The following BTBD9 variants were observed in gnomAD, a reference collection of about 807,000 sequenced individuals.
The protein encoded by BTBD9 is BTB/POZ domain-containing protein 9.
BTBD9 carries 49 observed loss-of-function variants against 64.3 expected under a neutral mutation model. That is an observed-to-expected ratio of 0.76 (90% CI 0.61 to 0.97). BTBD9 has a LOEUF of 0.97. Ranked by LOEUF, BTBD9 falls within the 50% of genes least tolerant of loss-of-function variation. The pLI, the probability that BTBD9 is intolerant of heterozygous loss-of-function variation, is 0.00. For synonymous variants in BTBD9, 260 were observed against 274.7 expected (o/e 0.95, Z 0.53); for missense variants, 598 against 762.1 (o/e 0.78, Z 2.53).
chr6:38,230,117 C>T (rs1034546295), intron 9 of BTBD9, among the ~76,000 whole-genome samples: 3 of 152,242 alleles, frequency 2.0e-5, no homozygotes, highest in Non-Finnish European at 2.9e-5. Flanking sequence ...GTTAGAGCAA[C>T]AGCTTCCTTA....
rs760001658 is a variant in BTBD9, at chr6:38,577,676, A to T, written c.1078T>A (p.Trp360Arg). 47 of 1,610,318 alleles carry T rather than the reference A, an allele frequency of 2.9e-5. No individual in the cohort carries two copies. The highest frequency in any genetic ancestry group is 2.6e-5 in the Non-Finnish European group (31 of 1,179,508). ...TGTGAATGATCTATCACTCTGACCCAATCAAGTTCATCCATTGACACTTCA... is the reference window on the plus strand; with the variant it reads ...TGTGAATGATCTATCACTCTGACCCTATCAAGTTCATCCATTGACACTTCA... Reference protein sequence around the residue: ...FIEVSMDELDWVRVIDHSQYL... With the variant: ...FIEVSMDELDRVRVIDHSQYL... The change falls in exon 6 of 11, where the codon TGG (tryptophan) becomes AGG (arginine). Residue 360 changes from tryptophan to arginine, a missense_variant. Coordinates refer to ENST00000481247, the MANE Select transcript of BTBD9 (RefSeq NM_001099272.2).
chr6:38,391,875 G>A (rs913203459), intron 6 of BTBD9, among the ~76,000 whole-genome samples: 3 of 152,016 alleles, frequency 2.0e-5, no homozygotes. Flanking sequence ...CTGATCGATC[G>A]GCAACTTGCT....
chr6:38,318,807 A>G (rs1451279312), intron 7 of BTBD9, among the ~76,000 whole-genome samples: 1 of 152,146 alleles, frequency 6.6e-6, no homozygotes, highest in African/African-American at 2.4e-5. Flanking sequence ...AGGGCTCTAC[A>G]ATCAGCAGGT....
At chr6:38,326,076 C>T (rs761596465) in intron 7 of BTBD9, among the ~76,000 whole-genome samples, 26 of 152,012 alleles carry the variant, frequency 1.7e-4, no homozygotes, top group Non-Finnish European at 2.8e-4. Flanking sequence ...TAGGGGGGGT[C>T]AGGGAAGCCT....
intron 1 of BTBD9, chr6:38,613,147 A>G (rs1777667623): frequency 6.6e-6 from 1 of 152,252 alleles, no homozygotes. Context: ...TCTTCATAAA[A>G]TATATTAAAA....
At chr6:38,290,187 G>A (rs1761905570) in intron 7 of BTBD9, among the ~76,000 whole-genome samples, 1 of 149,032 alleles carries the variant, frequency 6.7e-6, no homozygotes, top group African/African-American at 2.5e-5. Flanking sequence ...AGAGAGAGAG[G>A]ATGAATTTTT....
intron 8 of BTBD9, among the ~76,000 whole-genome samples, chr6:38,257,215 T>A (rs1764623141): frequency 6.6e-6 from 1 of 151,738 alleles, no homozygotes; most frequent in South Asian, 2.1e-4. Flanking sequence ...ATTGATTTTT[T>A]ATTTTTAGAG....
intron 6 of BTBD9, among the ~76,000 whole-genome samples, chr6:38,442,854 A>G (rs967432924): frequency 2.0e-5 from 3 of 151,658 alleles, no homozygotes; most frequent in Non-Finnish European, 4.4e-5. Flanking sequence ...TTTTTAGTAG[A>G]TAGGGGTTTT....
At position 38,594,504 on chromosome 6, in the gene BTBD9, G is replaced by T. The variant is rs1223496632; in HGVS notation, c.186-177C>A. 7.9e-5 allele frequency: 56 copies of T among 708,644 alleles called. No individual in the cohort carries two copies. In the East Asian group the frequency reaches 1.5e-3, roughly 19 times the overall value. 43.9% of individuals were successfully genotyped at this position (708,644 alleles called of 1,614,324 possible). On this transcript the variant is annotated intron_variant, in intron 2 of 10. Transcript: ENST00000481247. The stretch of plus-strand genomic sequence containing the variant: ...GTTCTTTACAGGACACAAGAGGAAT[G>T]ATTTTAAAACTATTTGAATTAATTC...
In BTBD9 at chr6:38,174,860, C is replaced by G; in HGVS notation, c.*125G>C. On this transcript the variant is annotated 3_prime_UTR_variant, in exon 11 of 11. Coordinates refer to ENST00000481247, the MANE Select transcript of BTBD9 (RefSeq NM_001099272.2). ...ACCTGTTCGGTGTCTGCTTTTGCAG[C>G]TAGGTCGGCTCCTCCCTGGAAAGGG... 4 of 1,120,526 alleles carry G rather than the reference C, an allele frequency of 3.6e-6. No individual in the cohort carries two copies. Among genetic ancestry groups the G allele is most frequent in the Admixed American group, 2.3e-5 (1 of 44,014 alleles). 69.4% of individuals were successfully genotyped at this position (1,120,526 alleles called of 1,614,324 possible). A position where few individuals can be genotyped will look rare whatever the true frequency, so the allele number is the denominator to read the frequency against.
intron 6 of BTBD9, among the ~76,000 whole-genome samples, 187 bp downstream of exon 6, chr6:38,577,413 C>T (rs756983156): frequency 2.1e-4 from 32 of 152,122 alleles, no homozygotes; most frequent in South Asian, 8.3e-4. Flanking sequence ...TAAATAGTTC[C>T]ACAACACACT....
In BTBD9 at chr6:38,326,521, C is replaced by T. The variant is rs970241155; in HGVS notation, c.1264+18463G>A. Among the ~76,000 whole-genome samples, 41 of 152,118 alleles carry T rather than the reference C, an allele frequency of 2.7e-4. 1 individual carries two copies. Among genetic ancestry groups the T allele is most frequent in the Non-Finnish European group, 1.0e-4 (7 of 68,004 alleles). ...ACCAGTAAGTAGACAGAAATGACAA[C>T]GGTGAGGAGAGGTGGTGGTGGCTTG... On this transcript the variant is annotated intron_variant, in intron 7 of 10. Transcript: ENST00000481247.
chr6:38,449,416 A>C (rs1251796371), intron 6 of BTBD9, among the ~76,000 whole-genome samples: 1 of 152,216 alleles, frequency 6.6e-6, no homozygotes, highest in Non-Finnish European at 1.5e-5. Flanking sequence ...TGGCATAAAA[A>C]TAGACACATA....
intron 8 of BTBD9, among the ~76,000 whole-genome samples, chr6:38,259,418 G>T (rs574099395): frequency 1.3e-5 from 2 of 152,164 alleles, no homozygotes; most frequent in African/African-American, 4.8e-5. Flanking sequence ...GGGGAAGGTT[G>T]GGAGGACAGC....
At chr6:38,531,886 G>A (rs186730648) in intron 6 of BTBD9, among the ~76,000 whole-genome samples, 55 of 152,274 alleles carry the variant, frequency 3.6e-4, no homozygotes, top group African/African-American at 1.3e-3. Flanking sequence ...CAAGATGGCT[G>A]AATAAAAGGC....
At chr6:38,505,714 C>T (rs1772453504) in intron 6 of BTBD9, among the ~76,000 whole-genome samples, 1 of 151,722 alleles carries the variant, frequency 6.6e-6, no homozygotes, top group African/African-American at 2.4e-5. Flanking sequence ...CGCCTGTAAT[C>T]CTAGCACTTT....
intron 9 of BTBD9, among the ~76,000 whole-genome samples, chr6:38,246,276 T>C (rs1007971801): frequency 5.9e-5 from 9 of 152,242 alleles, no homozygotes; most frequent in African/African-American, 9.6e-5. Context: ...TGACTCCTTA[T>C]TGCTATTTTC....
At chr6:38,221,155 G>A (rs1167887395) in intron 9 of BTBD9, among the ~76,000 whole-genome samples, 2 of 152,236 alleles carry the variant, frequency 1.3e-5, no homozygotes, top group East Asian at 3.9e-4. Flanking sequence ...CCATGTGCAG[G>A]TAACACAATA....
At chr6:38,205,069 G>A (rs1273999956) in intron 9 of BTBD9, among the ~76,000 whole-genome samples, 1 of 151,982 alleles carries the variant, frequency 6.6e-6, no homozygotes, top group East Asian at 1.9e-4. Context: ...AGAAGAGAAA[G>A]TATAAGAGAA....
Sources: gnomAD v4.1 joint callset for allele counts (sites outside exome capture counted in the v4.1 genomes callset) on GRCh38, gnomAD v4.1.1 for gene constraint, MANE v1.5 for transcripts, NCBI Gene and HGNC (gene_info 2026-07-23, HGNC 2026-07-21) for gene names.